The following PLA2G4B variants were observed in gnomAD, a reference collection of about 807,000 sequenced individuals.
PLA2G4B encodes the protein phospholipase A2 group IVB.
Under a neutral mutation model 95.8 loss-of-function variants are expected in PLA2G4B, and 122 were observed. The observed-to-expected ratio is 1.27, with a 90% CI of 1.10 to 1.48. The LOEUF (loss-of-function observed/expected upper bound fraction) is 1.48. Among genes scored for constraint, PLA2G4B ranks in the 40% most tolerant of loss-of-function variants. The pLI, the probability that PLA2G4B is intolerant of heterozygous loss-of-function variation, is 0.00. For missense variants in PLA2G4B, 1,158 were observed against 996.2 expected, an observed-to-expected ratio of 1.16 and a Z score of -2.19; for synonymous variants, 518 against 421.5, an observed-to-expected ratio of 1.23 and a Z score of -2.80.
chr15:41,840,377 A>C, intron 2 of PLA2G4B, 147 bp downstream of exon 2: 1 of 1,573,800 alleles, frequency 6.4e-7, no homozygotes, highest in Non-Finnish European at 8.6e-7. Flanking sequence ...TCTGGGTGGA[A>C]GGTGGCAGCT....
At chr15:41,846,090 A>G in intron 16 of PLA2G4B, 43 bp downstream of exon 16, 1 of 1,571,618 alleles carries the variant, frequency 6.4e-7, no homozygotes, top group Non-Finnish European at 8.7e-7. Flanking sequence ...AGGGGCAGCC[A>G]GCTGGGGCTG....
In PLA2G4B at chr15:41,847,709, C is replaced by A; in HGVS notation, c.2195C>A (p.Ser732Tyr). Residue 732 changes from serine (S) to tyrosine (Y), a missense_variant, in exon 20 of 20, where the codon TCT (serine) becomes TAT (tyrosine). Ser to Tyr is a moderately radical substitution (Grantham distance 144, BLOSUM62 -2). Transcript: ENST00000458483. Reference protein sequence around the residue: ...AGEVNLSSSDSPYHYTKVTYS... With the variant: ...AGEVNLSSSDYPYHYTKVTYS... ...GAGGTGAACCTGTCTTCATCGGACT[C>A]TCCCTACCACTACACGAAGGTGACC... 1 of 1,613,640 alleles carries A rather than the reference C, an allele frequency of 6.2e-7. No individual in the cohort carries two copies. Among genetic ancestry groups the A allele is most frequent in the Middle Eastern group, 1.6e-4 (1 of 6,062 alleles).
chr15:41,840,543 C>T lies in PLA2G4B; in HGVS notation c.102C>T (p.Tyr34=), dbSNP rs145681480. The change falls in exon 3 of 20, where the codon TAC becomes TAT. Residue 34 remains tyrosine (Y), a synonymous_variant. Coordinates refer to ENST00000458483, the MANE Select transcript of PLA2G4B (RefSeq NM_001114633.2). ...CCGCAGTGACCCCCTCTGACTGCTA[C>T]GTGACTCTCTGGCTGCCCACGGCCT... ...SKDLVTPSDC[Y]VTLWLPTACS... 464 of 1,613,878 alleles carry T rather than the reference C, an allele frequency of 2.9e-4. 1 individual carries two copies. The African/African-American group carries it at 5.3e-3, about 18-fold the overall frequency.
chr15:41,840,126 C>T (rs370285316), intron 1 of PLA2G4B, 32 bp from the exon 2 acceptor site: 241 of 1,608,816 alleles, frequency 1.5e-4, no homozygotes, highest in African/African-American at 2.1e-4. Context: ...TTCATCGGCC[C>T]GTAGCAGGTC....
In PLA2G4B at chr15:41,844,610, G is replaced by A; in HGVS notation, c.1016+3G>A. On this transcript the variant is annotated splice_donor_region_variant and intron_variant, in intron 12 of 19. Coordinates refer to ENST00000458483, the MANE Select transcript of PLA2G4B (RefSeq NM_001114633.2). The stretch of plus-strand genomic sequence containing the variant: ...ACCGGGGCCTCGGGCTCCACCTGGT[G>A]AGCTGGGGGCAGGCTGATGCTGGAC... The A allele has an allele frequency of 1.2e-6, 2 of 1,614,112 alleles. No individual in the cohort carries two copies. The highest frequency in any genetic ancestry group is 1.7e-6 in the Non-Finnish European group (2 of 1,180,032).
chr15:41,846,187 C>T lies in PLA2G4B; in HGVS notation c.1601-16C>T, dbSNP rs115235827. 20 of 1,608,204 alleles carry T rather than the reference C, an allele frequency of 1.2e-5. No individual in the cohort carries two copies. The African/African-American group carries it at 2.5e-4, about 20-fold the overall frequency. ...AAGGTGCAGGAGTCCCCATTTCCCC[C>T]ACCTTGCCTGTGTAGACAAGGAGCA... On this transcript the variant is annotated splice_polypyrimidine_tract_variant and intron_variant, in intron 16 of 19. Transcript: ENST00000458483.
In PLA2G4B at chr15:41,846,065, T is replaced by G. The variant is rs774478727; in HGVS notation, c.1600+18T>G. On this transcript the variant is annotated intron_variant, in intron 16 of 19. Coordinates refer to ENST00000458483, the MANE Select transcript of PLA2G4B (RefSeq NM_001114633.2). ...CAACCTGGGTAAGTGCTCCGGGCCCTTCATAAGGGTGCCAAGGGGCAGCCA... is the reference window on the plus strand; with the variant it reads ...CAACCTGGGTAAGTGCTCCGGGCCCGTCATAAGGGTGCCAAGGGGCAGCCA... 5 of 1,570,316 alleles carry G rather than the reference T, an allele frequency of 3.2e-6. No homozygotes were observed. The South Asian group carries it at 5.8e-5, about 18-fold the overall frequency.
At chr15:41,839,722 G>A (rs879033195) in intron 1 of PLA2G4B, 1 of 166,914 alleles carries the variant, frequency 6.0e-6, no homozygotes, top group African/African-American at 2.4e-5. Flanking sequence ...GGCTGGGGAT[G>A]TGGGGTGGAG....
At chr15:41,846,890 A>G (rs2065564863) in intron 18 of PLA2G4B, 55 bp downstream of exon 18, 12 of 1,534,866 alleles carry the variant, frequency 7.8e-6, no homozygotes, top group Non-Finnish European at 1.1e-5. Context: ...CTGTCCCCTG[A>G]AGAGAGGGGC....
At chr15:41,839,179 TCA>T in intron 1 of PLA2G4B, 1 of 372,460 alleles carries the variant, frequency 2.7e-6, no homozygotes, top group African/African-American at 2.1e-5. Context: ...CCCTGGAGAC[TCA>T]GAGGCTCCCA....
rs1314813118 is a variant in PLA2G4B, at chr15:41,845,654, T to G, written c.1374T>G (p.Ser458=). ...TCCTCACAGAGTGGTGCGAGTTCTC[T>G]CCCTACGAGGTCGGCTTCCCCAAGT... is the stretch of plus-strand genomic sequence containing the variant. ...TFEFGEWCEF[S]PYEVGFPKYG... is the part of the protein sequence containing the mutation. Residue 458 remains serine, a synonymous_variant, in exon 15 of 20, where the codon TCT becomes TCG. Coordinates refer to ENST00000458483, the MANE Select transcript of PLA2G4B (RefSeq NM_001114633.2). 5 of 1,614,136 alleles carry G rather than the reference T, an allele frequency of 3.1e-6. No homozygotes were observed. The South Asian group carries it at 5.5e-5, about 18-fold the overall frequency.
chr15:41,846,538 G>A (rs992237410), intron 17 of PLA2G4B, 131 bp from the exon 18 acceptor site: 1 of 1,502,672 alleles, frequency 6.7e-7, no homozygotes, highest in African/African-American at 1.4e-5. Context: ...GGGGACCCAG[G>A]GCCCACCTGC....
At chr15:41,840,982 A>G (rs1213277398) in intron 4 of PLA2G4B, 73 bp from the exon 5 acceptor site, 13 of 1,580,330 alleles carry the variant, frequency 8.2e-6, no homozygotes, top group Non-Finnish European at 1.0e-5. Context: ...ACACACACGC[A>G]TGTCTCTCAT....
Position 41,846,003 on chromosome 15 carries a change from C to T in PLA2G4B, c.1556C>T (p.Pro519Leu). 6.5e-7 allele frequency: 1 copy of T among 1,527,152 alleles called. No individual in the cohort carries two copies. Among genetic ancestry groups the T allele is most frequent in the Non-Finnish European group, 8.8e-7 (1 of 1,137,958 alleles). 94.6% of individuals were successfully genotyped at this position (1,527,152 alleles called of 1,614,324 possible). A position where few individuals can be genotyped will look rare whatever the true frequency, so the allele number is the denominator to read the frequency against. ...LQDSLYWASE[P>L]SQFWDRWVRN... Reference sequence around the variant, plus strand: ...GACAGCTTATACTGGGCCTCAGAGCCCAGCCAGTTCTGGGACCGCTGGGTC... The same window carrying T: ...GACAGCTTATACTGGGCCTCAGAGCTCAGCCAGTTCTGGGACCGCTGGGTC... The change falls in exon 16 of 20, where the codon CCC becomes CTC. Residue 519 changes from proline to leucine, a missense_variant. Transcript: ENST00000458483.
rs1225000910 is a variant in PLA2G4B, at chr15:41,841,857, T to A, written c.529T>A (p.Cys177Ser). 6.2e-7 allele frequency: 1 copy of A among 1,613,436 alleles called. No homozygotes were observed. Among genetic ancestry groups the A allele is most frequent in the Non-Finnish European group, 8.5e-7 (1 of 1,179,876 alleles). ...AGTTCAGCTTGTGGTTCCTGGGTCC[T>A]GTGAGGGTCCGCAGGAGGCCTCTGT... Reference protein sequence around the residue: ...HRVQLVVPGSCEGPQEASVGT... With the variant: ...HRVQLVVPGSSEGPQEASVGT... Residue 177 changes from cysteine to serine, a missense_variant, in exon 8 of 20, where the codon TGT becomes AGT. Physicochemically the swap from Cys to Ser is moderately radical, Grantham distance 112. Transcript: ENST00000458483.
rs773657131 is a variant in PLA2G4B, at chr15:41,847,865, CG to C, written c.*9del. The C allele has an allele frequency of 3.1e-6, 5 of 1,610,898 alleles. No homozygotes were observed. The highest frequency in any genetic ancestry group is 4.2e-6 in the Non-Finnish European group (5 of 1,179,242). ...CGGCAGCGCAGGCCCCACTGATGGC[CG>C]GGGCCCCTGCCACCCCTAACTCTCA... On this transcript the variant is annotated 3_prime_UTR_variant, in exon 20 of 20. Transcript: ENST00000458483.
In PLA2G4B at chr15:41,847,437, CCTT is replaced by C. The variant is rs1378356572; in HGVS notation, c.2051_2053del (p.Phe684del). The C allele has an allele frequency of 1.9e-6, 3 of 1,613,400 alleles. No homozygotes were observed. Among genetic ancestry groups the C allele is most frequent in the African/African-American group, 1.3e-5 (1 of 74,910 alleles). ...CAGCTCCAGCCTCGGGAGTGCCACA[CCTT>C]CTCCGACCCCACCTGCCCCGGAGCC... On this transcript the variant is annotated inframe_deletion, in exon 19 of 20. Coordinates refer to ENST00000458483, the MANE Select transcript of PLA2G4B (RefSeq NM_001114633.2).
chr15:41,842,732 G>T (rs1648832), intron 10 of PLA2G4B, 141 bp downstream of exon 10: 1,067,680 of 1,344,738 alleles, frequency 0.79, 426,194 homozygotes, highest in East Asian at 0.88. Flanking sequence ...TTGCGCTCGA[G>T]GGGGCACGAA....
Position 41,842,567 on chromosome 15 carries a change from G to C in PLA2G4B, c.719G>C (p.Arg240Thr). ...VFPTSQEPLM[R>T]VELKKEAGLR... The stretch of plus-strand genomic sequence containing the variant: ...CACGGTTTTCAGGAGCCCCTGATGA[G>C]AGTGGAGCTGAAAAAAGAAGCAGGG... The change falls in exon 10 of 20, where the codon AGA becomes ACA. Residue 240 changes from arginine to threonine, a missense_variant. Transcript: ENST00000458483. 1.9e-6 allele frequency: 3 copies of C among 1,607,638 alleles called. No homozygotes were observed. Among genetic ancestry groups the C allele is most frequent in the Non-Finnish European group, 2.5e-6 (3 of 1,178,370 alleles).
Sources: gnomAD v4.1 joint callset for allele counts on GRCh38, gnomAD v4.1.1 for gene constraint, MANE v1.5 for transcripts, NCBI Gene and HGNC (gene_info 2026-07-23, HGNC 2026-07-21) for gene names.